CRLF1: variants seen among roughly 807,000 people sequenced by gnomAD.
CRLF1 encodes cytokine receptor-like factor 1.
CRLF1 carries 36 observed loss-of-function variants against 48.9 expected under a neutral mutation model. The observed-to-expected ratio is 0.74, with a 90% confidence interval of 0.56 to 0.97. The LOEUF (loss-of-function observed/expected upper bound fraction) is 0.97. Ranked by LOEUF, CRLF1 falls within the 50% of genes least tolerant of loss-of-function variation. CRLF1 has a pLI of 0.00. For missense variants in CRLF1, 534 were observed against 575.1 expected, an observed-to-expected ratio of 0.93 and a Z score of 0.73; for synonymous variants, 256 against 253.4, an observed-to-expected ratio of 1.01 and a Z score of -0.10.
chr19:18,595,432 C>T (rs1269423683), intron 6 of CRLF1, among the ~76,000 whole-genome samples: 1 of 152,236 alleles, frequency 6.6e-6, no homozygotes. Context: ...CTCTCTGGGC[C>T]TCAGTTTCCC....
intron 8 of CRLF1, 33 bp downstream of exon 8, chr19:18,594,032 T>TTGGGCCA: frequency 8.6e-6 from 6 of 695,804 alleles, no homozygotes; most frequent in Non-Finnish European, 1.3e-5. Context: ...CTCCCCTTGC[T>TTGGGCCA]CCCTCCCGCC....
chr19:18,597,504 A>G (rs551903096), intron 4 of CRLF1, among the ~76,000 whole-genome samples: 302 of 123,434 alleles, frequency 2.4e-3, no homozygotes, highest in Non-Finnish European at 3.4e-3. Flanking sequence ...ATCTCGGCTC[A>G]CTGCAAGCTC....
intron 6 of CRLF1, among the ~76,000 whole-genome samples, chr19:18,595,160 G>A (rs917443153): frequency 1.3e-5 from 2 of 152,190 alleles, no homozygotes; most frequent in African/African-American, 4.8e-5. Context: ...AAATAAAGCC[G>A]GGGACCCGCT....
Position 18,606,613 on chromosome 19 carries a change from C to G in CRLF1, c.44G>C (p.Arg15Pro), listed in dbSNP as rs1353074404. Residue 15 changes from arginine to proline, a missense_variant, in exon 1 of 9, where the codon CGG (arginine) becomes CCG (proline). Arg to Pro is a moderately radical substitution (Grantham distance 103). This residue lies in a region of CRLF1 where 6 missense variants were observed against 19.4 expected (regional missense o/e 0.31). Transcript: ENST00000392386. This position sits in a 1 kb window ranked among gnomAD's most constrained non-coding sequence, Gnocchi z 4.8. ...RRGPAAQSAR[R>P]PPPLLPLLLL... The stretch of plus-strand genomic sequence containing the variant: ...CAGCAGGGGCAGCAACGGCGGCGGC[C>G]GCCGCGCGGATTGGGCGGCGGGGCC... The G allele has an allele frequency of 3.7e-6, 4 of 1,079,226 alleles. No homozygotes were observed. The highest frequency in any genetic ancestry group is 4.5e-6 in the Non-Finnish European group (4 of 890,910). The allele number at this position is 1,079,226 out of a possible 1,614,324, so 66.9% of individuals were successfully genotyped here.
At position 18,599,670 on chromosome 19, in the gene CRLF1, G is replaced by A. The variant is rs756762794; in HGVS notation, c.292C>T (p.Leu98=). ...GACCCATTGAGGTTGGCCAGGGCCAGAGCCAAGGTGGAGGCGTTGAGTACA... is the reference window on the plus strand; with the variant it reads ...GACCCATTGAGGTTGGCCAGGGCCAAAGCCAAGGTGGAGGCGTTGAGTACA... ...SRVLNASTLA[L]ALANLNGSRQ... The change falls in exon 2 of 9, where the codon CTG becomes TTG. Residue 98 remains leucine, a synonymous_variant. Transcript: ENST00000392386. The A allele has an allele frequency of 2.6e-5, 42 of 1,613,210 alleles. No homozygotes were observed. In the East Asian group the frequency reaches 9.4e-4, roughly 36 times the overall value.
At position 18,596,722 on chromosome 19, in the gene CRLF1, G is replaced by T. The variant is rs1334087123; in HGVS notation, c.924C>A (p.Phe308Leu). ...CAAAGGGGTTGCAGCGCACTTGCACGAAGTACACGGTGCCGGGTTTCAGGC... is the reference window on the plus strand; with the variant it reads ...CAAAGGGGTTGCAGCGCACTTGCACTAAGTACACGGTGCCGGGTTTCAGGC... The part of the protein sequence containing the change: ...LAGLKPGTVY[F>L]VQVRCNPFGI... Residue 308 changes from phenylalanine (F) to leucine (L), a missense_variant, in exon 6 of 9, where the codon TTC (phenylalanine) becomes TTA (leucine). Physicochemically the swap from Phe to Leu is conservative, Grantham distance 22. Coordinates refer to ENST00000392386, the MANE Select transcript of CRLF1 (RefSeq NM_004750.5). The T allele has an allele frequency of 1.2e-6, 2 of 1,614,136 alleles. No homozygotes were observed. The highest frequency in any genetic ancestry group is 3.3e-5 in the Admixed American group (2 of 60,010).
At chr19:18,598,675 G>A (rs1174859883) in intron 3 of CRLF1, 74 bp from the exon 4 acceptor site, 10 of 1,613,572 alleles carry the variant, frequency 6.2e-6, no homozygotes, top group Non-Finnish European at 8.5e-6. Context: ...GCAGCCTCAG[G>A]GTGCAGACAA....
intron 1 of CRLF1, among the ~76,000 whole-genome samples, chr19:18,603,981 G>A (rs1490564246): frequency 6.6e-6 from 1 of 152,162 alleles, no homozygotes; most frequent in East Asian, 1.9e-4. Flanking sequence ...GCATGAACTC[G>A]GGTGTGCCAG....
intron 2 of CRLF1, chr19:18,599,183 G>C (rs1317309790): frequency 1.1e-6 from 1 of 873,612 alleles, no homozygotes; most frequent in Non-Finnish European, 1.4e-6. Flanking sequence ...TCAGCTCACT[G>C]CAACTTCCGC....
At position 18,598,570 on chromosome 19, in the gene CRLF1, A is replaced by G. The variant is rs751982790; in HGVS notation, c.559T>C (p.Tyr187His). ...WYGQDNTCEEYHTVGPHSCHI... is the reference protein window; with the variant it reads ...WYGQDNTCEEHHTVGPHSCHI... ...CAGGAGTGGGGCCCCACTGTGTGGT[A>G]CTCCTCACATGTGTTGTCCTGGCCA... is the stretch of plus-strand genomic sequence containing the variant. Residue 187 changes from tyrosine (Y) to histidine (H), a missense_variant, in exon 4 of 9, where the codon TAC (tyrosine) becomes CAC (histidine). Transcript: ENST00000392386. The G allele has an allele frequency of 1.2e-5, 20 of 1,613,486 alleles. No homozygotes were observed. In the East Asian group the frequency reaches 3.6e-4, roughly 29 times the overall value.
In CRLF1 at chr19:18,596,628, G is replaced by A. The variant is rs771459625; in HGVS notation, c.1018C>T (p.Arg340Cys). Residue 340 changes from arginine to cysteine, a missense_variant, in exon 6 of 9, where the codon CGC becomes TGC. Physicochemically the swap from Arg to Cys is radical, Grantham distance 180. Around this residue, in one of 2 missense-constraint regions of CRLF1, gnomAD observed 528 missense variants for 555.7 expected, o/e 0.95. Transcript: ENST00000392386. ...WSHPTAASTP[R>C]SERPGPGGGA... Reference sequence around the variant, plus strand: ...GCCCTAGGAGGGTGCTCACCACTGCGGGGAGTGGAGGCGGCTGTGGGGTGG... The same window carrying A: ...GCCCTAGGAGGGTGCTCACCACTGCAGGGAGTGGAGGCGGCTGTGGGGTGG... The A allele has an allele frequency of 2.9e-5, 46 of 1,613,822 alleles. No individual in the cohort carries two copies. Among genetic ancestry groups the A allele is most frequent in the Middle Eastern group, 1.6e-4 (1 of 6,084 alleles).
chr19:18,594,024 C>G, intron 8 of CRLF1, 41 bp downstream of exon 8: 1 of 1,477,022 alleles, frequency 6.8e-7, no homozygotes, highest in Non-Finnish European at 9.2e-7. Flanking sequence ...AAGGGGCCCT[C>G]CCCTTGCTCC....
intron 8 of CRLF1, 35 bp downstream of exon 8, chr19:18,594,030 G>GCGGGGGGGCC: frequency 9.9e-6 from 13 of 1,315,288 alleles, no homozygotes; most frequent in Non-Finnish European, 1.2e-5. Context: ...CCCTCCCCTT[G>GCGGGGGGGCC]CTCCCTCCCG....
Position 18,606,480 on chromosome 19 carries a change from G to A in CRLF1, c.115+62C>T. The A allele has an allele frequency of 9.2e-7, 1 of 1,087,730 alleles. No individual in the cohort carries two copies. The highest frequency in any genetic ancestry group is 1.1e-6 in the Non-Finnish European group (1 of 894,934). 67.4% of individuals were successfully genotyped at this position (1,087,730 alleles called of 1,614,324 possible). ...GCCCGCGCCCCCTCCCCCCGCGGCT[G>A]CCCCCGGGGCGCCCGCCCTCTGCTC... is the stretch of plus-strand genomic sequence containing the variant. On this transcript the variant is annotated intron_variant, in intron 1 of 8. Transcript: ENST00000392386. The surrounding 1 kb of genome is among the most constrained non-coding windows in gnomAD (Gnocchi z 4.8).
chr19:18,606,047 C>T lies in CRLF1; in HGVS notation c.115+495G>A, dbSNP rs997717443. On this transcript the variant is annotated intron_variant, in intron 1 of 8. Transcript: ENST00000392386. The surrounding 1 kb of genome is among the most constrained non-coding windows in gnomAD (Gnocchi z 4.8). ...CCGTGGAGACACAAGTCCCCCGGGA[C>T]CCCGGGCTGCGCGCCAGGCGGCCAG... Among the ~76,000 whole-genome samples the T allele has an allele frequency of 6.6e-6, 1 of 151,622 alleles. No individual in the cohort carries two copies. Among genetic ancestry groups the T allele is most frequent in the East Asian group, 2.0e-4 (1 of 5,064 alleles).
chr19:18,598,938 G>T (rs775659569), intron 2 of CRLF1, 37 bp from the exon 3 acceptor site: 1 of 1,611,450 alleles, frequency 6.2e-7, no homozygotes, highest in African/African-American at 1.3e-5. Flanking sequence ...CAGGCTGAGG[G>T]TCTGGACTAG....
intron 1 of CRLF1, among the ~76,000 whole-genome samples, chr19:18,605,274 C>A (rs1976276266): frequency 6.6e-6 from 1 of 152,146 alleles, no homozygotes; most frequent in Non-Finnish European, 1.5e-5. Flanking sequence ...CCCGAGGTAG[C>A]CCCTCACCTG....
At chr19:18,598,663 T>A in intron 3 of CRLF1, 62 bp from the exon 4 acceptor site, 2 of 1,613,680 alleles carry the variant, frequency 1.2e-6, no homozygotes, top group Non-Finnish European at 1.7e-6. Flanking sequence ...GACCTCACCA[T>A]GGCAGCCTCA....
At position 18,599,609 on chromosome 19, in the gene CRLF1, G is replaced by A; in HGVS notation, c.353C>T (p.Ala118Val). ...GCCAGCCAGGATGCTGCCGTCACGG[G>A]CGTGGCACACGAGGTTGTCCCCCGA... ...QRSGDNLVCH[A>V]RDGSILAGSC... The change falls in exon 2 of 9, where the codon GCC becomes GTC. Residue 118 changes from alanine to valine, a missense_variant. Coordinates refer to ENST00000392386, the MANE Select transcript of CRLF1 (RefSeq NM_004750.5). 2.5e-6 allele frequency: 4 copies of A among 1,613,258 alleles called. No homozygotes were observed. Among genetic ancestry groups the A allele is most frequent in the Non-Finnish European group, 3.4e-6 (4 of 1,180,032 alleles).
Sources: allele counts gnomAD v4.1 joint callset (sites outside exome capture counted in the v4.1 genomes callset), GRCh38; gene constraint gnomAD v4.1.1; regional missense constraint gnomAD v4.1.1; non-coding constraint Gnocchi (gnomAD v3.1); transcripts MANE v1.5; gene names NCBI Gene and HGNC (gene_info 2026-07-23, HGNC 2026-07-21).